The following CATSPERT variants were observed in gnomAD, a reference collection of about 807,000 sequenced individuals.
CATSPERT encodes cation channel sperm-associated targeting subunit tau.
chr2:201,569,166 T>G, the CATSPERT span, among the ~76,000 whole-genome samples: 1 of 152,176 alleles, frequency 6.6e-6, no homozygotes, highest in Non-Finnish European at 1.5e-5. Context: ...CATAAATTTT[T>G]GGAAGTATAC....
the CATSPERT span, among the ~76,000 whole-genome samples, chr2:201,515,103 G>A: frequency 6.7e-6 from 1 of 149,658 alleles, no homozygotes; most frequent in Admixed American, 6.7e-5. Flanking sequence ...AAGTACATAT[G>A]GTCTTTCACA....
At chr2:201,519,830 G>A in the CATSPERT span, among the ~76,000 whole-genome samples, 1 of 152,162 alleles carries the variant, frequency 6.6e-6, no homozygotes, top group Non-Finnish European at 1.5e-5. Context: ...CACCTATCAA[G>A]TATAACCTTG....
the CATSPERT span, chr2:201,536,376 T>G: frequency 6.6e-7 from 1 of 1,518,464 alleles, no homozygotes; most frequent in Admixed American, 2.2e-5. Flanking sequence ...ACTGGAAAAT[T>G]TTACAAATTA....
the CATSPERT span, among the ~76,000 whole-genome samples, chr2:201,523,914 T>C: frequency 6.6e-6 from 1 of 152,012 alleles, no homozygotes; most frequent in Non-Finnish European, 1.5e-5. Context: ...CAAAGACCAG[T>C]TCTTTGAATT....
At chr2:201,506,689 GA>G in the CATSPERT span, among the ~76,000 whole-genome samples, 1 of 152,094 alleles carries the variant, frequency 6.6e-6, no homozygotes, top group African/African-American at 2.4e-5. Flanking sequence ...GAGTAGCTGG[GA>G]CTACAGGTGC....
the CATSPERT span, chr2:201,574,365 G>GT: frequency 8.5e-7 from 1 of 1,173,142 alleles, no homozygotes; most frequent in South Asian, 1.8e-5. Context: ...TTACAAATCT[G>GT]TAAGTTAGAA....
the CATSPERT span, chr2:201,535,682 G>A: frequency 8.3e-7 from 1 of 1,209,192 alleles, no homozygotes; most frequent in Non-Finnish European, 1.0e-6. Flanking sequence ...CTCATTTCTT[G>A]ATTGATATAA....
At chr2:201,588,450 T>C in the CATSPERT span, among the ~76,000 whole-genome samples, 3 of 150,110 alleles carry the variant, frequency 2.0e-5, no homozygotes. Context: ...TTCAATACCA[T>C]TCATGTCAAA....
the CATSPERT span, among the ~76,000 whole-genome samples, chr2:201,606,525 C>T: frequency 1.3e-5 from 2 of 152,308 alleles, no homozygotes; most frequent in South Asian, 4.1e-4. Flanking sequence ...TAACATTTTA[C>T]TCTTGAGCCC....
At chr2:201,517,442 T>C in the CATSPERT span, among the ~76,000 whole-genome samples, 3 of 152,200 alleles carry the variant, frequency 2.0e-5, no homozygotes, top group African/African-American at 7.2e-5. Context: ...CAGAAAGCCA[T>C]GTCTCTGTCA....
chr2:201,583,940 GA>G, the CATSPERT span, among the ~76,000 whole-genome samples: 7 of 152,130 alleles, frequency 4.6e-5, no homozygotes, highest in African/African-American at 1.7e-4. Flanking sequence ...ACAACTTGTA[GA>G]AAAGAAAACT....
At chr2:201,593,783 A>C in the CATSPERT span, among the ~76,000 whole-genome samples, 1 of 149,602 alleles carries the variant, frequency 6.7e-6, no homozygotes, top group African/African-American at 2.5e-5. Context: ...CTGTTTTATC[A>C]GAGACTAGGA....
chr2:201,551,595 G>A, the CATSPERT span, among the ~76,000 whole-genome samples: 1 of 152,150 alleles, frequency 6.6e-6, no homozygotes, highest in African/African-American at 2.4e-5. Flanking sequence ...CTATAGCAGA[G>A]AGCTCAGGCA....
chr2:201,614,598 C>CA, the CATSPERT span, among the ~76,000 whole-genome samples: 5 of 152,276 alleles, frequency 3.3e-5, no homozygotes, highest in African/African-American at 7.2e-5. Flanking sequence ...CCAGCCACTG[C>CA]AAAAACATGC....
the CATSPERT span, among the ~76,000 whole-genome samples, chr2:201,607,712 T>C: frequency 2.6e-5 from 4 of 152,176 alleles, no homozygotes; most frequent in Non-Finnish European, 4.4e-5. Flanking sequence ...TGGTAATCAA[T>C]ACTTAAGAGT....
the CATSPERT span, among the ~76,000 whole-genome samples, chr2:201,595,620 C>A: frequency 6.6e-6 from 1 of 151,888 alleles, no homozygotes; most frequent in Admixed American, 6.6e-5. Flanking sequence ...GGGTCAGGGA[C>A]CCACTTGAGG....
the CATSPERT span, among the ~76,000 whole-genome samples, chr2:201,503,513 G>C: frequency 1.2e-4 from 18 of 152,264 alleles, no homozygotes; most frequent in Non-Finnish European, 2.4e-4. Context: ...TACTGCCTCA[G>C]CCTTCTGAGT....
chr2:201,580,431 T>C, the CATSPERT span, among the ~76,000 whole-genome samples: 1 of 152,182 alleles, frequency 6.6e-6, no homozygotes, highest in South Asian at 2.1e-4. Flanking sequence ...TTACAAAGAG[T>C]TGCAAAAACA....
At chr2:201,551,667 A>T in the CATSPERT span, among the ~76,000 whole-genome samples, 1 of 152,138 alleles carries the variant, frequency 6.6e-6, no homozygotes, top group Non-Finnish European at 1.5e-5. Context: ...ACGTCTCTCC[A>T]GTAAATAAAT....
Sources: gnomAD v4.1 joint callset for allele counts (sites outside exome capture counted in the v4.1 genomes callset) on GRCh38, gnomAD v4.1.1 for gene constraint, MANE v1.5 for transcripts, NCBI Gene and HGNC (gene_info 2026-07-23, HGNC 2026-07-21) for gene names.